ICE1: variants seen among roughly 807,000 people sequenced by gnomAD.
ICE1 encodes little elongation complex subunit 1.
ICE1 carries 64 observed loss-of-function variants against 192.7 expected under a neutral mutation model. That is an observed-to-expected ratio of 0.33 (90% confidence interval 0.27 to 0.41). ICE1 has a LOEUF of 0.41. Among genes scored for constraint, ICE1 ranks in the 10% least tolerant of loss-of-function variants. The probability of loss-of-function intolerance (pLI) is 1.00; values close to 1 mark genes in which losing one functional copy is unlikely to be tolerated. For synonymous variants in ICE1, 1,010 were observed against 984.5 expected, an observed-to-expected ratio of 1.03 and a Z score of -0.49; for missense variants, 2,708 against 2,696.0, an observed-to-expected ratio of 1.00 and a Z score of -0.10.
At position 5,489,601 on chromosome 5, in the gene ICE1, C is replaced by G. The variant is rs556038756; in HGVS notation, c.*271C>G. On this transcript the variant is annotated 3_prime_UTR_variant, in exon 19 of 19. Coordinates refer to ENST00000296564, the MANE Select transcript of ICE1 (RefSeq NM_015325.3). The stretch of plus-strand genomic sequence containing the variant: ...TTGTGTCTTTGTCAAACAACAAAAA[C>G]TTGAACTTAGCCCTTTTTTTGCTGC... 3.7e-6 allele frequency: 1 copy of G among 272,876 alleles called. No individual in the cohort carries two copies. The highest frequency in any genetic ancestry group is 6.7e-5 in the East Asian group (1 of 15,014). The allele number at this position is 272,876 out of a possible 1,614,324, so 16.9% of individuals were successfully genotyped here. A position where few individuals can be genotyped will look rare whatever the true frequency, so the allele number is the denominator to read the frequency against.
chr5:5,464,915 G>A lies in ICE1; in HGVS notation c.5581G>A (p.Gly1861Arg), dbSNP rs1460565818. ...DTGSPEPETR[G>R]VTAEGIHKNL... The stretch of plus-strand genomic sequence containing the variant: ...TGGGTCCCCAGAACCAGAAACCAGG[G>A]GAGTCACTGCAGAAGGAATCCACAA... Residue 1861 changes from glycine (G) to arginine (R), a missense_variant, in exon 13 of 19, where the codon GGA (glycine) becomes AGA (arginine). Gly to Arg is a moderately radical substitution (Grantham distance 125). This residue lies in a region of ICE1 where 2,366 missense variants were observed against 2,276.6 expected (regional missense o/e 1.04). Transcript: ENST00000296564. The surrounding 1 kb of genome is among the most constrained non-coding windows in gnomAD (Gnocchi z 4.0). The A allele has an allele frequency of 1.2e-6, 2 of 1,613,316 alleles. No individual in the cohort carries two copies. The highest frequency in any genetic ancestry group is 4.5e-5 in the East Asian group (2 of 44,876).
chr5:5,459,407 G>A (rs1738686532), intron 12 of ICE1, among the ~76,000 whole-genome samples: 1 of 152,194 alleles, frequency 6.6e-6, no homozygotes, highest in Non-Finnish European at 1.5e-5. Context: ...CATGTACACA[G>A]GTGAGATACT....
chr5:5,439,588 G>A (rs1360526691), intron 3 of ICE1, among the ~76,000 whole-genome samples: 2 of 152,032 alleles, frequency 1.3e-5, no homozygotes, highest in Non-Finnish European at 2.9e-5. Context: ...AGAAATCAAG[G>A]TATTTTCTAT....
At chr5:5,484,302 T>C (rs901116998) in intron 17 of ICE1, among the ~76,000 whole-genome samples, 3 of 152,242 alleles carry the variant, frequency 2.0e-5, no homozygotes, top group African/African-American at 7.2e-5. Context: ...GTGCTTTTAA[T>C]TGAAAGGGAG....
chr5:5,454,998 G>A (rs1015979819), intron 11 of ICE1, among the ~76,000 whole-genome samples: 2 of 152,152 alleles, frequency 1.3e-5, no homozygotes, highest in Admixed American at 6.5e-5. Context: ...TAATTTATCA[G>A]TTCCTTTGGT....
At chr5:5,445,347 T>C (rs1247126467) in intron 7 of ICE1, among the ~76,000 whole-genome samples, 1 of 152,240 alleles carries the variant, frequency 6.6e-6, no homozygotes, top group Admixed American at 6.5e-5. Flanking sequence ...TTCTAAGTAT[T>C]GGTGTCTCTT....
At chr5:5,447,976 T>G in intron 10 of ICE1, 79 bp downstream of exon 10, 1 of 1,148,830 alleles carries the variant, frequency 8.7e-7, no homozygotes, top group Non-Finnish European at 1.3e-6. Context: ...CTCCTACATA[T>G]AATTGTGAAA....
At chr5:5,455,143 T>A (rs1738547519) in intron 11 of ICE1, among the ~76,000 whole-genome samples, 2 of 152,216 alleles carry the variant, frequency 1.3e-5, no homozygotes, top group Non-Finnish European at 2.9e-5. Flanking sequence ...TTTAGCTTTT[T>A]GTCATTTTAC....
Position 5,457,404 on chromosome 5 carries a change from G to C in ICE1, c.764G>C (p.Ser255Thr), listed in dbSNP as rs1163611317. 6.2e-7 allele frequency: 1 copy of C among 1,613,708 alleles called. No individual in the cohort carries two copies. The highest frequency in any genetic ancestry group is 1.7e-5 in the Admixed American group (1 of 59,992). The change falls in exon 12 of 19, where the codon AGC becomes ACC. Residue 255 changes from serine to threonine, a missense_variant. Ser to Thr is a moderately conservative substitution (Grantham distance 58, BLOSUM62 1). Transcript: ENST00000296564. ...GGTACGCTACCTCCAACACAGGGCAGCCCTCTCAGGACCTCAAATGTGCAG... is the reference window on the plus strand; with the variant it reads ...GGTACGCTACCTCCAACACAGGGCACCCCTCTCAGGACCTCAAATGTGCAG... ...EDGTLPPTQGSPLRTSNVQTC... is the reference protein window; with the variant it reads ...EDGTLPPTQGTPLRTSNVQTC...
At chr5:5,486,189 A>T (rs1274463973) in intron 17 of ICE1, among the ~76,000 whole-genome samples, 1 of 152,204 alleles carries the variant, frequency 6.6e-6, no homozygotes, top group Non-Finnish European at 1.5e-5. Flanking sequence ...GAGTGTGAGC[A>T]CCTGGCAGTG....
chr5:5,423,683 G>A (rs1339835525), intron 1 of ICE1, among the ~76,000 whole-genome samples: 2 of 152,168 alleles, frequency 1.3e-5, no homozygotes, highest in Non-Finnish European at 2.9e-5. Flanking sequence ...TTATGGGGTG[G>A]TACTTGGGCA....
At chr5:5,438,671 T>G (rs1269135633) in intron 3 of ICE1, among the ~76,000 whole-genome samples, 1 of 152,224 alleles carries the variant, frequency 6.6e-6, no homozygotes, top group Non-Finnish European at 1.5e-5. Context: ...ATGCACACTC[T>G]TTGAGTTAAC....
At chr5:5,479,434 C>G (rs947839271) in intron 17 of ICE1, among the ~76,000 whole-genome samples, 4 of 152,146 alleles carry the variant, frequency 2.6e-5, no homozygotes, top group East Asian at 1.9e-4. Context: ...ATTAAAAAGT[C>G]AGGAAACAAC....
chr5:5,441,135 A>G lies in ICE1; in HGVS notation c.221A>G (p.Gln74Arg). ...ARRENSNLHHQVEEMLQKISP... is the reference protein window; with the variant it reads ...ARRENSNLHHRVEEMLQKISP... ...AGAGAGAATAGTAATCTGCATCACC[A>G]AGTGGAAGAGATGCTTCAAAAAATT... is the stretch of plus-strand genomic sequence containing the variant. Residue 74 changes from glutamine (Q) to arginine (R), a missense_variant, in exon 5 of 19, where the codon CAA becomes CGA. Transcript: ENST00000296564. 1 of 1,556,264 alleles carries G rather than the reference A, an allele frequency of 6.4e-7. No individual in the cohort carries two copies. Among genetic ancestry groups the G allele is most frequent in the Non-Finnish European group, 8.7e-7 (1 of 1,147,252 alleles).
Position 5,463,493 on chromosome 5 carries a change from A to G in ICE1, c.4159A>G (p.Asn1387Asp). 1 of 1,613,278 alleles carries G rather than the reference A, an allele frequency of 6.2e-7. No individual in the cohort carries two copies. Among genetic ancestry groups the G allele is most frequent in the Non-Finnish European group, 8.5e-7 (1 of 1,179,522 alleles). ...VMEPSIEQSSNCEAETTFQCQ... is the reference protein window; with the variant it reads ...VMEPSIEQSSDCEAETTFQCQ... ...GGAGCCATCCATAGAGCAAAGTTCTAACTGCGAGGCCGAAACAACATTTCA... is the reference window on the plus strand; with the variant it reads ...GGAGCCATCCATAGAGCAAAGTTCTGACTGCGAGGCCGAAACAACATTTCA... Residue 1387 changes from asparagine to aspartate, a missense_variant, in exon 13 of 19, where the codon AAC (asparagine) becomes GAC (aspartate). By Grantham distance (23) the Asn-to-Asp change is conservative. Coordinates refer to ENST00000296564, the MANE Select transcript of ICE1 (RefSeq NM_015325.3).
At chr5:5,443,040 T>C in intron 5 of ICE1, 128 bp from the exon 6 acceptor site, 1 of 567,142 alleles carries the variant, frequency 1.8e-6, no homozygotes, top group Non-Finnish European at 3.1e-6. Context: ...TATTAAAATA[T>C]TCAGTGACTA....
At chr5:5,439,007 A>C (rs1483436049) in intron 3 of ICE1, among the ~76,000 whole-genome samples, 1 of 152,200 alleles carries the variant, frequency 6.6e-6, no homozygotes, top group Non-Finnish European at 1.5e-5. Flanking sequence ...TCCTTTTGCT[A>C]CTAAAGTAGC....
intron 17 of ICE1, among the ~76,000 whole-genome samples, chr5:5,480,262 T>C (rs1231483769): frequency 4.8e-5 from 7 of 144,604 alleles, no homozygotes; most frequent in Non-Finnish European, 8.9e-5. Context: ...TTTTTTTTTT[T>C]TTTTTGAGAT....
chr5:5,481,467 C>CG (rs755737112), intron 17 of ICE1, among the ~76,000 whole-genome samples: 1 of 152,118 alleles, frequency 6.6e-6, no homozygotes, highest in East Asian at 1.9e-4. Flanking sequence ...TCTCCAGTGT[C>CG]TCTTCTAACT....
Sources: gnomAD v4.1 joint callset for allele counts (sites outside exome capture counted in the v4.1 genomes callset) on GRCh38, gnomAD v4.1.1 for gene constraint, gnomAD v4.1.1 regional missense constraint, Gnocchi (gnomAD v3.1) non-coding constraint, MANE v1.5 for transcripts, NCBI Gene and HGNC (gene_info 2026-07-23, HGNC 2026-07-21) for gene names.